ZNF516: variants seen among roughly 807,000 people sequenced by gnomAD.
The protein encoded by ZNF516 is zinc finger protein 516.
In ZNF516, 19 loss-of-function variants were observed where a neutral mutation model predicts 79.7. That is an observed-to-expected ratio of 0.24 (90% confidence interval 0.17 to 0.35). The LOEUF (loss-of-function observed/expected upper bound fraction) is 0.35. Ranked by LOEUF, ZNF516 falls within the 10% of genes least tolerant of loss-of-function variation. The pLI, the probability that ZNF516 is intolerant of heterozygous loss-of-function variation, is 1.00. For synonymous variants in ZNF516, 877 were observed against 739.5 expected (o/e 1.19, Z -3.02); for missense variants, 1,678 against 1,679.5 (o/e 1.00, Z 0.02).
At chr18:76,406,953 C>T (rs2075312021) in intron 3 of ZNF516, among the ~76,000 whole-genome samples, 1 of 151,880 alleles carries the variant, frequency 6.6e-6, no homozygotes, top group South Asian at 2.1e-4. Context: ...CTGGGGCTAT[C>T]TTAGATTTGC....
chr18:76,425,947 T>TCG (rs1218998324), intron 3 of ZNF516, among the ~76,000 whole-genome samples: 1 of 152,228 alleles, frequency 6.6e-6, no homozygotes, highest in African/African-American at 2.4e-5. Context: ...GCGCTGCTCT[T>TCG]CGCGGCACAG....
intron 1 of ZNF516, among the ~76,000 whole-genome samples, chr18:76,465,466 C>A (rs1474338328): frequency 6.6e-6 from 1 of 152,222 alleles, no homozygotes; most frequent in Non-Finnish European, 1.5e-5. Flanking sequence ...GCTGACCCTG[C>A]GGCGTCCTTG....
chr18:76,422,407 A>C (rs904911037), intron 3 of ZNF516, among the ~76,000 whole-genome samples: 12 of 152,254 alleles, frequency 7.9e-5, no homozygotes, highest in African/African-American at 2.7e-4. Context: ...CTGCACCTGC[A>C]AACACGTGAC....
At chr18:76,480,817 C>T (rs1232030074) in intron 1 of ZNF516, among the ~76,000 whole-genome samples, 1 of 152,008 alleles carries the variant, frequency 6.6e-6, no homozygotes, top group Non-Finnish European at 1.5e-5. Flanking sequence ...CCACCGCACC[C>T]GGCTGGTTTT....
intron 3 of ZNF516, among the ~76,000 whole-genome samples, chr18:76,439,381 C>T (rs533055999): frequency 6.6e-6 from 1 of 152,298 alleles, no homozygotes; most frequent in Admixed American, 6.5e-5. Context: ...CTCTGTCGAG[C>T]CATAAATTTC....
intron 1 of ZNF516, among the ~76,000 whole-genome samples, chr18:76,476,710 G>C (rs1599150013): frequency 6.6e-6 from 1 of 152,184 alleles, no homozygotes; most frequent in East Asian, 1.9e-4. Context: ...GTCATGGTTT[G>C]TCTAAGAAAG....
intron 2 of ZNF516, among the ~76,000 whole-genome samples, chr18:76,448,040 GGAAGTAAAAT>G (rs1788181290): frequency 6.6e-6 from 1 of 152,018 alleles, no homozygotes; most frequent in African/African-American, 2.4e-5. Context: ...TTAAAAAACA[GGAAGTAAAAT>G]GTTTGAAAAA....
upstream of ZNF516, chr18:76,496,292 T>G (rs373232264): frequency 5.4e-6 from 7 of 1,289,174 alleles, no homozygotes; most frequent in Non-Finnish European, 7.1e-6. Flanking sequence ...CCTGGCCGTA[T>G]TGTTCTCCTT....
intron 1 of ZNF516, among the ~76,000 whole-genome samples, chr18:76,490,417 C>A (rs1296684139): frequency 6.6e-6 from 1 of 152,306 alleles, no homozygotes; most frequent in Middle Eastern, 3.4e-3. Flanking sequence ...GAAAATGAAG[C>A]TGGAACAAAT....
intron 1 of ZNF516, among the ~76,000 whole-genome samples, chr18:76,476,220 A>G (rs1022169575): frequency 1.2e-4 from 18 of 152,268 alleles, no homozygotes; most frequent in Non-Finnish European, 2.2e-4. Flanking sequence ...ATCTGCAGTG[A>G]GTTCCACAAC....
intron 1 of ZNF516, chr18:76,491,693 A>G (rs1178682679): frequency 3.5e-5 from 6 of 172,914 alleles, no homozygotes; most frequent in Admixed American, 7.0e-5. Flanking sequence ...CGGGCAGGTG[A>G]GTCCCCCCCC....
intron 3 of ZNF516, among the ~76,000 whole-genome samples, chr18:76,428,531 G>T (rs997649520): frequency 6.6e-6 from 1 of 152,140 alleles, no homozygotes; most frequent in South Asian, 2.1e-4. Context: ...CAGGCAAATA[G>T]AACAAGATCA....
chr18:76,435,776 G>A (rs999032635), intron 3 of ZNF516, among the ~76,000 whole-genome samples: 6 of 152,168 alleles, frequency 3.9e-5, no homozygotes, highest in Non-Finnish European at 8.8e-5. Flanking sequence ...CCCTCTGCAG[G>A]GCACACCGTG....
intron 3 of ZNF516, among the ~76,000 whole-genome samples, chr18:76,436,146 A>AG (rs905802083): frequency 6.6e-6 from 1 of 152,176 alleles, no homozygotes; most frequent in Non-Finnish European, 1.5e-5. Flanking sequence ...CTGGATACTA[A>AG]GGGGGGCTGG....
chr18:76,496,030 C>A (rs1915467409), upstream of ZNF516, among the ~76,000 whole-genome samples: 1 of 152,096 alleles, frequency 6.6e-6, no homozygotes, highest in Admixed American at 6.5e-5. Flanking sequence ...ATTTCTTCAC[C>A]TCACCTACTC....
chr18:76,480,713 G>A (rs961381081), intron 1 of ZNF516, among the ~76,000 whole-genome samples: 3 of 151,958 alleles, frequency 2.0e-5, no homozygotes, highest in African/African-American at 7.3e-5. Context: ...GTAGAGATGG[G>A]GTTTTGCCAT....
chr18:76,490,268 T>C, intron 1 of ZNF516: 1 of 905,940 alleles, frequency 1.1e-6, no homozygotes, highest in South Asian at 5.1e-5. Flanking sequence ...CCTACGCAAC[T>C]TCACTCTCCA....
intron 3 of ZNF516, among the ~76,000 whole-genome samples, chr18:76,430,833 TC>T (rs1324344786): frequency 6.6e-6 from 1 of 152,218 alleles, no homozygotes; most frequent in Non-Finnish European, 1.5e-5. Flanking sequence ...AGCTAACAGT[TC>T]GCCCAAATGT....
At chr18:76,423,494 C>A (rs2075536907) in intron 3 of ZNF516, among the ~76,000 whole-genome samples, 1 of 151,292 alleles carries the variant, frequency 6.6e-6, no homozygotes, top group South Asian at 2.1e-4. Flanking sequence ...GAAACACACA[C>A]ATGCCAGTGA....
Sources: allele counts gnomAD v4.1 joint callset (sites outside exome capture counted in the v4.1 genomes callset), GRCh38; gene constraint gnomAD v4.1.1; transcripts MANE v1.5; gene names NCBI Gene and HGNC (gene_info 2026-07-23, HGNC 2026-07-21).